FBXW7: variants seen among roughly 807,000 people sequenced by gnomAD.
FBXW7 encodes F-box and WD repeat domain containing 7.
A neutral mutation model predicts 86.3 loss-of-function variants in FBXW7; 11 were observed. That is an observed-to-expected ratio of 0.13 (90% confidence interval 0.08 to 0.21). The LOEUF (loss-of-function observed/expected upper bound fraction) is 0.21, where lower values mean the gene tolerates loss of function less well. Ranked by LOEUF, FBXW7 falls within the 10% of genes least tolerant of loss-of-function variation. FBXW7 has a pLI of 1.00. For synonymous variants in FBXW7, 313 were observed against 297.9 expected, an observed-to-expected ratio of 1.05 and a Z score of -0.52; for missense variants, 488 against 847.4, an observed-to-expected ratio of 0.58 and a Z score of 5.27.
At chr4:152,462,566 T>C (rs960759254) in intron 2 of FBXW7, among the ~76,000 whole-genome samples, 1 of 152,158 alleles carries the variant, frequency 6.6e-6, no homozygotes, top group African/African-American at 2.4e-5. Context: ...TTCTTTCCTA[T>C]GCCACTGAAA....
chr4:152,411,116 T>G, intron 4 of FBXW7, 187 bp downstream of exon 4: 2 of 985,054 alleles, frequency 2.0e-6, no homozygotes, highest in Non-Finnish European at 2.8e-6. Flanking sequence ...ACTCAGATTG[T>G]CCCATTATCA....
rs1554005607 is a variant in FBXW7 at position 152,535,823 on chromosome 4, G to GGGCTCCGGCTCTGGCTCC, written c.-927_-910dup. On this transcript the variant is annotated 5_prime_UTR_variant, in exon 1 of 14. Coordinates refer to ENST00000281708, the MANE Select transcript of FBXW7 (RefSeq NM_001349798.2). ...AAGCCGCCGGCTCCGGCTCAGGCTCGGGCTCCGGCTCTGGCTCCGGCTCCG... is the reference window on the plus strand; with the variant it reads ...AAGCCGCCGGCTCCGGCTCAGGCTCGGGCTCCGGCTCTGGCTCCGGCTCCGGCTCTGGCTCCGGCTCCG... 5.4e-5 allele frequency: 21 copies of GGGCTCCGGCTCTGGCTCC among 392,378 alleles called. No individual in the cohort carries two copies. Among genetic ancestry groups the GGGCTCCGGCTCTGGCTCC allele is most frequent in the African/African-American group, 1.9e-4 (9 of 48,138 alleles). 24.3% of individuals were successfully genotyped at this position (392,378 alleles called of 1,614,324 possible).
chr4:152,344,024 G>A (rs1350725751), intron 6 of FBXW7, among the ~76,000 whole-genome samples: 1 of 152,050 alleles, frequency 6.6e-6, no homozygotes. Context: ...GAACAGTAAG[G>A]GGACAAGCTC....
intron 4 of FBXW7, among the ~76,000 whole-genome samples, chr4:152,370,815 A>G (rs1733942832): frequency 6.6e-6 from 1 of 151,994 alleles, no homozygotes; most frequent in Non-Finnish European, 1.5e-5. Context: ...TTACAAAAAC[A>G]GTATTAATAT....
intron 2 of FBXW7, among the ~76,000 whole-genome samples, chr4:152,423,752 C>T (rs1018449147): frequency 2.6e-5 from 4 of 151,948 alleles, no homozygotes; most frequent in African/African-American, 9.7e-5. Context: ...TATTATTCCA[C>T]TTTAAAGAGT....
intron 2 of FBXW7, among the ~76,000 whole-genome samples, chr4:152,441,975 T>C (rs1740935067): frequency 6.6e-6 from 1 of 152,178 alleles, no homozygotes. Context: ...AGAATAACAT[T>C]TCACCATCCC....
At chr4:152,457,643 C>CAAA (rs769232533) in intron 2 of FBXW7, among the ~76,000 whole-genome samples, 64 of 56,970 alleles carry the variant, frequency 1.1e-3, no homozygotes, top group East Asian at 2.1e-3. Flanking sequence ...GACTCTGTCT[C>CAAA]AAAAAAAAAA....
intron 4 of FBXW7, among the ~76,000 whole-genome samples, chr4:152,397,192 C>T (rs74955366): frequency 0.014 from 2,095 of 151,868 alleles, 26 homozygotes; most frequent in Middle Eastern, 0.037. Flanking sequence ...CAGTAGTTAA[C>T]GAGAAATGTC....
intron 2 of FBXW7, among the ~76,000 whole-genome samples, chr4:152,445,418 G>A (rs1288824024): frequency 6.6e-6 from 1 of 152,080 alleles, no homozygotes; most frequent in Non-Finnish European, 1.5e-5. Flanking sequence ...ATACTTATCA[G>A]AAATTTCAAA....
intron 11 of FBXW7, among the ~76,000 whole-genome samples, chr4:152,326,999 T>G (rs1361469048): frequency 2.6e-5 from 4 of 152,126 alleles, no homozygotes; most frequent in Non-Finnish European, 2.9e-5. Context: ...ATCAGCGCTA[T>G]ACTCTTCTGA....
chr4:152,392,213 G>A (rs895703077), intron 4 of FBXW7, among the ~76,000 whole-genome samples: 1 of 152,138 alleles, frequency 6.6e-6, no homozygotes, highest in Non-Finnish European at 1.5e-5. Context: ...CTAAGAGGGA[G>A]AGGCCATGTC....
chr4:152,434,644 T>C (rs560803320), intron 2 of FBXW7, among the ~76,000 whole-genome samples: 1 of 152,302 alleles, frequency 6.6e-6, no homozygotes, highest in Admixed American at 6.5e-5. Flanking sequence ...ATTTCCATAG[T>C]TCCTTGACAA....
At chr4:152,455,483 T>G (rs1453320726) in intron 2 of FBXW7, among the ~76,000 whole-genome samples, 4 of 152,248 alleles carry the variant, frequency 2.6e-5, no homozygotes, top group Admixed American at 2.0e-4. Flanking sequence ...ACTGTGCTCC[T>G]CACTTCCTTC....
At chr4:152,477,465 A>G (rs764527914) in intron 2 of FBXW7, among the ~76,000 whole-genome samples, 9 of 152,276 alleles carry the variant, frequency 5.9e-5, no homozygotes, top group Non-Finnish European at 1.3e-4. Flanking sequence ...AAATGTCTCA[A>G]TCCAATTGCA....
intron 2 of FBXW7, among the ~76,000 whole-genome samples, chr4:152,436,753 T>C (rs576483628): frequency 6.8e-6 from 1 of 148,112 alleles, no homozygotes; most frequent in East Asian, 2.0e-4. Flanking sequence ...TTAGGCTAAA[T>C]ATACTCTCCC....
intron 2 of FBXW7, among the ~76,000 whole-genome samples, chr4:152,459,536 T>G (rs1262434607): frequency 6.6e-6 from 1 of 152,134 alleles, no homozygotes; most frequent in Non-Finnish European, 1.5e-5. Flanking sequence ...GAGAGTCACA[T>G]CACAGGCAGA....
chr4:152,522,198 C>A (rs540880926), intron 2 of FBXW7, among the ~76,000 whole-genome samples: 2 of 152,216 alleles, frequency 1.3e-5, no homozygotes, highest in South Asian at 4.2e-4. Flanking sequence ...ATACACACTA[C>A]GGCACTCATA....
intron 7 of FBXW7, among the ~76,000 whole-genome samples, chr4:152,333,019 T>A (rs76504372): frequency 0.014 from 2,142 of 151,958 alleles, 29 homozygotes; most frequent in Middle Eastern, 0.037. Context: ...CTCAATTTTT[T>A]AAAAAAAATG....
At chr4:152,358,861 A>G (rs1230813774) in intron 4 of FBXW7, among the ~76,000 whole-genome samples, 2 of 152,202 alleles carry the variant, frequency 1.3e-5, no homozygotes, top group East Asian at 3.8e-4. Flanking sequence ...GTAGGTACAG[A>G]ATTAAGTGTC....
Sources: gnomAD v4.1 joint callset for allele counts (sites outside exome capture counted in the v4.1 genomes callset) on GRCh38, gnomAD v4.1.1 for gene constraint, MANE v1.5 for transcripts, NCBI Gene and HGNC (gene_info 2026-07-23, HGNC 2026-07-21) for gene names.